The following CHD6 variants were observed in gnomAD, a reference collection of about 807,000 sequenced individuals.
The protein encoded by CHD6 is chromodomain helicase DNA binding protein 6, also known as ATP-dependent chromatin remodeler CHD6.
A neutral mutation model predicts 276.9 loss-of-function variants in CHD6; 50 were observed. The observed-to-expected ratio is 0.18, with a 90% CI of 0.14 to 0.23. CHD6 has a LOEUF of 0.23. Ranked by LOEUF, CHD6 falls within the 10% of genes least tolerant of loss-of-function variation. The pLI, the probability that CHD6 is intolerant of heterozygous loss-of-function variation, is 1.00. For synonymous variants in CHD6, 1,173 were observed against 1,229.3 expected (o/e 0.95, Z 0.96); for missense variants, 2,564 against 3,365.8 (o/e 0.76, Z 5.89).
At position 41,591,424 on chromosome 20, in the gene CHD6, A is replaced by G. The variant is rs1015213621; in HGVS notation, c.-24+26916T>C. On this transcript the variant is annotated intron_variant, in intron 1 of 36. Transcript: ENST00000373233. ...CACACACACATATATATATACATATATATATAAAAGAAAGCCAGGAGATTG... is the reference window on the plus strand; with the variant it reads ...CACACACACATATATATATACATATGTATATAAAAGAAAGCCAGGAGATTG... Among the ~76,000 whole-genome samples the G allele has an allele frequency of 3.3e-5, 5 of 151,690 alleles. No homozygotes were observed. The South Asian group carries it at 1.0e-3, about 32-fold the overall frequency.
chr20:41,506,055 C>T (rs558225110), intron 5 of CHD6, among the ~76,000 whole-genome samples: 19 of 152,200 alleles, frequency 1.2e-4, no homozygotes, highest in Admixed American at 9.8e-4. Context: ...CTTGTTGGCT[C>T]TATCTTCAAA....
chr20:41,567,969 C>T (rs1014801611), intron 1 of CHD6, among the ~76,000 whole-genome samples: 2 of 152,092 alleles, frequency 1.3e-5, no homozygotes, highest in South Asian at 4.2e-4. Flanking sequence ...TCATACTCTA[C>T]ATGGCTAAAA....
At chr20:41,415,692 G>A (rs2046975285) in intron 33 of CHD6, 54 bp from the exon 34 acceptor site, 1 of 1,342,504 alleles carries the variant, frequency 7.4e-7, no homozygotes, top group Non-Finnish European at 1.0e-6. Flanking sequence ...GTGGCTGAAT[G>A]CTAGCTCTTT....
At chr20:41,592,860 C>G (rs577505815) in intron 1 of CHD6, among the ~76,000 whole-genome samples, 13 of 152,270 alleles carry the variant, frequency 8.5e-5, no homozygotes, top group African/African-American at 2.6e-4. Context: ...AGTACAAACT[C>G]TGTGACACAT....
Position 41,537,511 on chromosome 20 carries a change from G to A in CHD6, c.34-3941C>T, listed in dbSNP as rs540099665. On this transcript the variant is annotated intron_variant, in intron 2 of 36. Transcript: ENST00000373233. ...TCAGATTTTGGTATTCATGTAAGGC[G>A]TTAGAACAATCCCCCATGGACGCTG... Among the ~76,000 whole-genome samples the A allele has an allele frequency of 1.2e-3, 180 of 152,214 alleles. No homozygotes were observed. In the Middle Eastern group the frequency reaches 0.02, roughly 17 times the overall value.
chr20:41,416,899 A>G, intron 32 of CHD6, 105 bp from the exon 33 acceptor site: 1 of 955,546 alleles, frequency 1.0e-6, no homozygotes, highest in Non-Finnish European at 1.5e-6. Context: ...AGTCGATAAG[A>G]AAAGAGCACA....
intron 2 of CHD6, among the ~76,000 whole-genome samples, chr20:41,539,892 A>G (rs2044908621): frequency 6.6e-6 from 1 of 152,238 alleles, no homozygotes. Context: ...GGTTTAAAAG[A>G]CATGAAACAT....
chr20:41,439,991 G>T lies in CHD6; in HGVS notation c.4007+9C>A, dbSNP rs751497491. On this transcript the variant is annotated intron_variant, in intron 26 of 36. Transcript: ENST00000373233. ...TGTCACATGAGGGCTGGCCTACGTG[G>T]CTTCTCACCTTTCAGGAATGTCTGA... is the stretch of plus-strand genomic sequence containing the variant. 1.6e-5 allele frequency: 26 copies of T among 1,613,480 alleles called. No homozygotes were observed. The highest frequency in any genetic ancestry group is 2.0e-5 in the Non-Finnish European group (24 of 1,179,702).
chr20:41,518,406 C>A (rs1353565708), intron 3 of CHD6, among the ~76,000 whole-genome samples: 1 of 152,178 alleles, frequency 6.6e-6, no homozygotes, highest in Non-Finnish European at 1.5e-5. Context: ...AAATATGACA[C>A]TTCACTAGGA....
intron 4 of CHD6, 152 bp downstream of exon 4, chr20:41,514,653 C>T (rs535340603): frequency 5.0e-5 from 38 of 766,106 alleles, no homozygotes; most frequent in Admixed American, 1.3e-4. Context: ...CAAAAGACTA[C>T]AGTCTACCTG....
At chr20:41,497,566 T>G in intron 7 of CHD6, 65 bp from the exon 8 acceptor site, 1 of 1,063,576 alleles carries the variant, frequency 9.4e-7, no homozygotes, top group Non-Finnish European at 1.5e-6. Flanking sequence ...CTTTAAGGTG[T>G]TCAATAAACA....
At chr20:41,617,787 C>A (rs569054345) in intron 1 of CHD6, among the ~76,000 whole-genome samples, 282 of 151,942 alleles carry the variant, frequency 1.9e-3, no homozygotes, top group African/African-American at 6.6e-3. Context: ...CCCGCCCCCT[C>A]CCGGAACAGC....
intron 10 of CHD6, among the ~76,000 whole-genome samples, chr20:41,492,697 C>T (rs183602610): frequency 6.8e-4 from 104 of 152,338 alleles, no homozygotes; most frequent in African/African-American, 2.3e-3. Flanking sequence ...CCAAGACAGG[C>T]GGATCACCTG....
chr20:41,450,707 T>C (rs1373815396), intron 23 of CHD6, among the ~76,000 whole-genome samples: 1 of 152,162 alleles, frequency 6.6e-6, no homozygotes, highest in Non-Finnish European at 1.5e-5. Context: ...CTCAGGGGTA[T>C]ATACAATGCA....
chr20:41,500,438 T>C (rs1367616126), intron 5 of CHD6, among the ~76,000 whole-genome samples: 2 of 152,182 alleles, frequency 1.3e-5, no homozygotes, highest in Non-Finnish European at 2.9e-5. Context: ...CACAGGCAGA[T>C]GTTCCCAAAG....
At chr20:41,569,935 T>A (rs1247555488) in intron 1 of CHD6, among the ~76,000 whole-genome samples, 1 of 152,176 alleles carries the variant, frequency 6.6e-6, no homozygotes, top group East Asian at 1.9e-4. Context: ...CCATGGACAC[T>A]GAGGGACTAC....
chr20:41,480,228 A>C (rs2043263742), intron 16 of CHD6, among the ~76,000 whole-genome samples: 1 of 152,208 alleles, frequency 6.6e-6, no homozygotes, highest in Non-Finnish European at 1.5e-5. Flanking sequence ...ATCACAGCTG[A>C]CAACTGTGTA....
At chr20:41,616,239 TTATAAAAATTATAAAGATATAGAA>T (rs2045933598) in intron 1 of CHD6, among the ~76,000 whole-genome samples, 1 of 152,050 alleles carries the variant, frequency 6.6e-6, no homozygotes, top group Non-Finnish European at 1.5e-5. Flanking sequence ...GAATAATAAA[TTATAAAAATTATAAAGATATAGAA>T]TATTTAAAAG....
At chr20:41,450,731 C>G (rs1029000496) in intron 23 of CHD6, among the ~76,000 whole-genome samples, 3 of 152,094 alleles carry the variant, frequency 2.0e-5, no homozygotes, top group African/African-American at 7.2e-5. Context: ...GCAGAGGGGC[C>G]AGGTTCTGCG....
Sources: allele counts gnomAD v4.1 joint callset (sites outside exome capture counted in the v4.1 genomes callset), GRCh38; gene constraint gnomAD v4.1.1; transcripts MANE v1.5; gene names NCBI Gene and HGNC (gene_info 2026-07-23, HGNC 2026-07-21).